The following ARID3B variants were observed in gnomAD, a reference collection of about 807,000 sequenced individuals.
ARID3B encodes AT-rich interaction domain 3B, also known as AT-rich interactive domain-containing protein 3B.
A neutral mutation model predicts 51.9 loss-of-function variants in ARID3B; 10 were observed. That is an observed-to-expected ratio of 0.19 (90% CI 0.12 to 0.33). ARID3B has a LOEUF of 0.33. ARID3B is among the 10% of genes least tolerant of loss of function. The probability of loss-of-function intolerance (pLI) is 1.00; values close to 1 mark genes in which losing one functional copy is unlikely to be tolerated. For synonymous variants in ARID3B, 205 were observed against 279.5 expected, an observed-to-expected ratio of 0.73 and a Z score of 2.66; for missense variants, 483 against 716.3, an observed-to-expected ratio of 0.67 and a Z score of 3.72.
intron 7 of ARID3B, among the ~76,000 whole-genome samples, chr15:74,592,429 T>C (rs567673205): frequency 6.6e-6 from 1 of 152,274 alleles, no homozygotes; most frequent in African/African-American, 2.4e-5. Context: ...ATGAATGAGA[T>C]GTGTGGGAAG....
intron 4 of ARID3B, among the ~76,000 whole-genome samples, chr15:74,585,944 G>C (rs1170889090): frequency 6.6e-6 from 1 of 152,234 alleles, no homozygotes; most frequent in African/African-American, 2.4e-5. Flanking sequence ...CCTCGGCATA[G>C]CCTCCGCTCT....
At chr15:74,569,851 T>C (rs540194282) in intron 2 of ARID3B, among the ~76,000 whole-genome samples, 2 of 152,318 alleles carry the variant, frequency 1.3e-5, no homozygotes, top group Non-Finnish European at 1.5e-5. Flanking sequence ...TTAACTGCCT[T>C]AAGACAAAGA....
intron 2 of ARID3B, among the ~76,000 whole-genome samples, chr15:74,557,486 T>TTG (rs2061663134): frequency 6.6e-6 from 1 of 152,180 alleles, no homozygotes; most frequent in African/African-American, 2.4e-5. Context: ...TGTACAGTTG[T>TTG]TCATAGCTTT....
At chr15:74,547,644 G>A (rs2061621093) in intron 2 of ARID3B, among the ~76,000 whole-genome samples, 1 of 152,216 alleles carries the variant, frequency 6.6e-6, no homozygotes, top group African/African-American at 2.4e-5. Flanking sequence ...GGAACCTCAA[G>A]GGGGATTCGA....
intron 2 of ARID3B, among the ~76,000 whole-genome samples, chr15:74,571,460 A>C (rs992871085): frequency 6.6e-6 from 1 of 152,188 alleles, no homozygotes; most frequent in Non-Finnish European, 1.5e-5. Flanking sequence ...TGACAGGTTC[A>C]GTGTGTCCAG....
chr15:74,583,327 A>G (rs1168884583), intron 4 of ARID3B, among the ~76,000 whole-genome samples: 1 of 152,190 alleles, frequency 6.6e-6, no homozygotes, highest in Non-Finnish European at 1.5e-5. Context: ...AAAAAAATAT[A>G]TGTCAGAATA....
Position 74,543,891 on chromosome 15 carries a change from C to G in ARID3B, c.-46C>G. ...ACCCAGTGTGCCTGGTGGGCTGTGC[C>G]CAGGTTCAGAGTCATGCCACTCTGT... On this transcript the variant is annotated 5_prime_UTR_variant, in exon 2 of 9. Coordinates refer to ENST00000346246, the MANE Select transcript of ARID3B (RefSeq NM_006465.4). 1 of 1,567,704 alleles carries G rather than the reference C, an allele frequency of 6.4e-7. No homozygotes were observed. Among genetic ancestry groups the G allele is most frequent in the Non-Finnish European group, 8.6e-7 (1 of 1,157,950 alleles).
At chr15:74,558,622 G>A (rs2061668089) in intron 2 of ARID3B, among the ~76,000 whole-genome samples, 1 of 151,994 alleles carries the variant, frequency 6.6e-6, no homozygotes, top group Non-Finnish European at 1.5e-5. Flanking sequence ...AGTATCAACA[G>A]TCTGCCATTC....
chr15:74,568,024 T>G (rs2061705973), intron 2 of ARID3B, among the ~76,000 whole-genome samples: 1 of 152,180 alleles, frequency 6.6e-6, no homozygotes, highest in African/African-American at 2.4e-5. Context: ...CTCTTCTCTT[T>G]TTCTCCTCTC....
At chr15:74,541,545 G>A (rs1004695444) in intron 1 of ARID3B, among the ~76,000 whole-genome samples, 7 of 151,874 alleles carry the variant, frequency 4.6e-5, no homozygotes, top group Admixed American at 1.3e-4. Flanking sequence ...GAGATAAAGC[G>A]ATGAGAAGGG....
chr15:74,593,602 A>AC (rs1315200968), intron 8 of ARID3B, among the ~76,000 whole-genome samples: 1 of 133,362 alleles, frequency 7.5e-6, no homozygotes, highest in African/African-American at 2.6e-5. Context: ...AGGCAAAGGA[A>AC]CCCCAGTATA....
chr15:74,579,516 A>G (rs116149842), intron 4 of ARID3B, among the ~76,000 whole-genome samples: 339 of 152,158 alleles, frequency 2.2e-3, no homozygotes, highest in African/African-American at 8.1e-3. Context: ...GGAAGTTTCT[A>G]TTGTCTGTAT....
intron 4 of ARID3B, among the ~76,000 whole-genome samples, chr15:74,576,734 A>G (rs1295842725): frequency 8.5e-5 from 13 of 152,170 alleles, no homozygotes; most frequent in Non-Finnish European, 2.9e-5. Context: ...GTTAGGTAGC[A>G]TTGTTTCCTG....
rs983781458 is a variant in ARID3B, at chr15:74,543,354, G to C, written c.-77-506G>C. On this transcript the variant is annotated intron_variant, in intron 1 of 8. Transcript: ENST00000346246. ...TGAGAGTAAAACTGTCTGCCTGATAGTTCTGTGTCTAGCTTAGAGGTGATA... is the reference window on the plus strand; with the variant it reads ...TGAGAGTAAAACTGTCTGCCTGATACTTCTGTGTCTAGCTTAGAGGTGATA... Among the ~76,000 whole-genome samples, 7 of 152,290 alleles carry C rather than the reference G, an allele frequency of 4.6e-5. No homozygotes were observed. The South Asian group carries it at 1.2e-3, about 27-fold the overall frequency.
At chr15:74,560,689 G>A (rs2061676614) in intron 2 of ARID3B, among the ~76,000 whole-genome samples, 2 of 152,204 alleles carry the variant, frequency 1.3e-5, no homozygotes, top group Admixed American at 6.5e-5. Context: ...AAGTAGGAGT[G>A]AATCAGCTTC....
intron 4 of ARID3B, among the ~76,000 whole-genome samples, chr15:74,576,660 A>C (rs1161986185): frequency 4.2e-5 from 6 of 144,504 alleles, no homozygotes; most frequent in Non-Finnish European, 6.1e-5. Context: ...ACCCTGTCTC[A>C]AAAAAAAAAA....
chr15:74,558,361 C>G (rs535582621), intron 2 of ARID3B, among the ~76,000 whole-genome samples: 1 of 152,076 alleles, frequency 6.6e-6, no homozygotes, highest in Non-Finnish European at 1.5e-5. Context: ...CTGTCTTCAG[C>G]TCTATCTGTT....
chr15:74,571,293 A>G (rs1249373710), intron 2 of ARID3B, among the ~76,000 whole-genome samples: 1 of 152,228 alleles, frequency 6.6e-6, no homozygotes, highest in Non-Finnish European at 1.5e-5. Context: ...TTTCGTTGAC[A>G]TGGTTTTAGA....
Position 74,591,860 on chromosome 15 carries a change from G to A in ARID3B, c.1420+46G>A. ...GGCCTTCCCTTCCTGGAAACCCCAA[G>A]CCCATTCACGCCTCCTGGGACTGGT... On this transcript the variant is annotated intron_variant, in intron 7 of 8. Transcript: ENST00000346246. This position sits in a 1 kb window ranked among gnomAD's most constrained non-coding sequence, Gnocchi z 5.8. The A allele has an allele frequency of 4.4e-6, 7 of 1,588,142 alleles. No homozygotes were observed. Among genetic ancestry groups the A allele is most frequent in the Non-Finnish European group, 6.0e-6 (7 of 1,164,426 alleles).
Sources: gnomAD v4.1 joint callset for allele counts (sites outside exome capture counted in the v4.1 genomes callset) on GRCh38, gnomAD v4.1.1 for gene constraint, Gnocchi (gnomAD v3.1) non-coding constraint, MANE v1.5 for transcripts, NCBI Gene and HGNC (gene_info 2026-07-23, HGNC 2026-07-21) for gene names.